The following PARD3 variants were observed in gnomAD, a reference collection of about 807,000 sequenced individuals.
PARD3 encodes par-3 family cell polarity regulator, also known as partitioning defective 3 homolog.
A neutral mutation model predicts 155.4 loss-of-function variants in PARD3; 75 were observed. The observed-to-expected ratio is 0.48, with a 90% confidence interval of 0.40 to 0.58. The LOEUF (loss-of-function observed/expected upper bound fraction) is 0.58, where lower values mean the gene tolerates loss of function less well. PARD3 is among the 20% of genes least tolerant of loss of function. PARD3 has a pLI of 0.00. For missense variants in PARD3, 1,642 were observed against 1,721.7 expected (o/e 0.95, Z 0.82); for synonymous variants, 576 against 610.5 (o/e 0.94, Z 0.83).
At chr10:34,505,191 A>G (rs1339148583) in intron 3 of PARD3, among the ~76,000 whole-genome samples, 1 of 152,244 alleles carries the variant, frequency 6.6e-6, no homozygotes, top group Non-Finnish European at 1.5e-5. Context: ...CTTTCTTAAC[A>G]TATTCACAGC....
intron 15 of PARD3, chr10:34,343,768 T>C (rs1837088166): frequency 1.0e-6 from 1 of 984,822 alleles, no homozygotes; most frequent in Admixed American, 6.1e-5. Flanking sequence ...TCAATTTATT[T>C]CTGATAGGTA....
At chr10:34,183,062 T>C (rs1428893761) in intron 22 of PARD3, among the ~76,000 whole-genome samples, 1 of 152,232 alleles carries the variant, frequency 6.6e-6, no homozygotes, top group Non-Finnish European at 1.5e-5. Context: ...GCTTTTCTCA[T>C]ATATAAGCCT....
intron 2 of PARD3, among the ~76,000 whole-genome samples, chr10:34,571,496 C>T (rs940391791): frequency 6.6e-6 from 1 of 152,156 alleles, no homozygotes; most frequent in Non-Finnish European, 1.5e-5. Context: ...TTGGGCTTTA[C>T]AATCCTGTGA....
intron 22 of PARD3, among the ~76,000 whole-genome samples, chr10:34,141,404 T>G (rs931901335): frequency 2.0e-5 from 3 of 152,196 alleles, no homozygotes; most frequent in Non-Finnish European, 4.4e-5. Flanking sequence ...TTCAGTGTAA[T>G]AAATCATAAC....
At chr10:34,235,593 C>T (rs1170165864) in intron 22 of PARD3, among the ~76,000 whole-genome samples, 1 of 152,292 alleles carries the variant, frequency 6.6e-6, no homozygotes. Context: ...CTACCACTGA[C>T]GTTTAGTTAC....
At chr10:34,330,252 TAG>T (rs1392746641) in intron 19 of PARD3, among the ~76,000 whole-genome samples, 1 of 152,196 alleles carries the variant, frequency 6.6e-6, no homozygotes, top group Non-Finnish European at 1.5e-5. Flanking sequence ...AATATATCGG[TAG>T]AGTTTTTCCA....
intron 20 of PARD3, among the ~76,000 whole-genome samples, chr10:34,305,388 G>A (rs1957352608): frequency 6.6e-6 from 1 of 152,240 alleles, no homozygotes; most frequent in Admixed American, 6.5e-5. Context: ...GCCCATGGCT[G>A]GGGCCTTCAG....
intron 24 of PARD3, among the ~76,000 whole-genome samples, chr10:34,118,848 G>T (rs978341219): frequency 6.6e-6 from 1 of 152,194 alleles, no homozygotes; most frequent in Admixed American, 6.5e-5. Context: ...TATAAGAATT[G>T]TGACTACAGG....
intron 21 of PARD3, among the ~76,000 whole-genome samples, chr10:34,277,025 C>T (rs1036969285): frequency 2.0e-5 from 3 of 152,144 alleles, no homozygotes; most frequent in Non-Finnish European, 4.4e-5. Context: ...AAACAATGTT[C>T]AGGATCTTGC....
rs116928365 is a variant in PARD3, at chr10:34,659,882, T to C, written c.222+36436A>G. Among the ~76,000 whole-genome samples, 1,500 of 152,328 alleles carry C rather than the reference T, an allele frequency of 9.8e-3. 12 individuals are homozygous for C. The highest frequency in any genetic ancestry group is 0.015 in the Non-Finnish European group (1,051 of 68,036). On this transcript the variant is annotated intron_variant, in intron 2 of 24. Coordinates refer to ENST00000374788, the MANE Select transcript of PARD3 (RefSeq NM_001184785.2). ...CCCAAGGGCCTTCAATGGTAGGTAC[T>C]TTTTGCTTCCGCGCATGCATTTTCT... is the stretch of plus-strand genomic sequence containing the variant.
At chr10:34,160,614 G>A (rs765845638) in intron 22 of PARD3, among the ~76,000 whole-genome samples, 1 of 152,214 alleles carries the variant, frequency 6.6e-6, no homozygotes, top group Non-Finnish European at 1.5e-5. Context: ...AAGATGCAGA[G>A]ATTGCCTTTA....
intron 3 of PARD3, among the ~76,000 whole-genome samples, chr10:34,505,510 T>C (rs1338183688): frequency 6.6e-6 from 1 of 152,140 alleles, no homozygotes; most frequent in African/African-American, 2.4e-5. Flanking sequence ...TTGGGTCTAA[T>C]TTCAAAGGCA....
Position 34,430,517 on chromosome 10 carries a change from C to T in PARD3, c.714+19800G>A, listed in dbSNP as rs182971049. Among the ~76,000 whole-genome samples, 341 of 152,230 alleles carry T rather than the reference C, an allele frequency of 2.2e-3. 1 individual carries two copies. The highest frequency in any genetic ancestry group is 2.9e-3 in the Non-Finnish European group (199 of 68,000). On this transcript the variant is annotated intron_variant, in intron 5 of 24. Transcript: ENST00000374788. ...TATTAGGCTTGCATGAACTAGCATACGGTAACTAAAATAACTAACACTGAT... is the reference window on the plus strand; with the variant it reads ...TATTAGGCTTGCATGAACTAGCATATGGTAACTAAAATAACTAACACTGAT...
At chr10:34,161,371 T>C (rs562692754) in intron 22 of PARD3, among the ~76,000 whole-genome samples, 3 of 152,098 alleles carry the variant, frequency 2.0e-5, no homozygotes, top group South Asian at 2.1e-4. Flanking sequence ...AATTCAACTA[T>C]TTTAACAGTG....
At chr10:34,205,787 A>G (rs1250306847) in intron 22 of PARD3, among the ~76,000 whole-genome samples, 2 of 152,108 alleles carry the variant, frequency 1.3e-5, no homozygotes, top group Admixed American at 6.5e-5. Flanking sequence ...AAAAAGCCAC[A>G]TATCTTAGGA....
chr10:34,753,009 T>C (rs1198737706), intron 1 of PARD3, among the ~76,000 whole-genome samples: 3 of 152,234 alleles, frequency 2.0e-5, no homozygotes, highest in African/African-American at 7.2e-5. Context: ...TGTTTTCTAA[T>C]GGAAGAAAAC....
At chr10:34,496,347 C>A (rs1462053479) in intron 3 of PARD3, among the ~76,000 whole-genome samples, 1 of 152,226 alleles carries the variant, frequency 6.6e-6, no homozygotes, top group Non-Finnish European at 1.5e-5. Flanking sequence ...GGAAAAGTTT[C>A]TGTTTATAGA....
chr10:34,215,944 T>A (rs1374148278), intron 22 of PARD3, among the ~76,000 whole-genome samples: 2 of 152,168 alleles, frequency 1.3e-5, no homozygotes, highest in East Asian at 3.8e-4. Flanking sequence ...TGTATACACT[T>A]TTTGCATTAA....
rs1946345933 is a variant in PARD3 at position 34,110,663 on chromosome 10, G to A, written c.*506C>T. The A allele has an allele frequency of 6.6e-6, 1 of 152,476 alleles. No individual in the cohort carries two copies. Among genetic ancestry groups the A allele is most frequent in the Non-Finnish European group, 1.5e-5 (1 of 68,246 alleles). 9.4% of individuals were successfully genotyped at this position (152,476 alleles called of 1,614,324 possible). The stretch of plus-strand genomic sequence containing the variant: ...CTGAGAAAGGAAAGAGAAAACCACA[G>A]TGATGACAAAGTACGACAAATGGCT... On this transcript the variant is annotated 3_prime_UTR_variant, in exon 25 of 25. Coordinates refer to ENST00000374788, the MANE Select transcript of PARD3 (RefSeq NM_001184785.2).
Sources: gnomAD v4.1 joint callset for allele counts (sites outside exome capture counted in the v4.1 genomes callset) on GRCh38, gnomAD v4.1.1 for gene constraint, MANE v1.5 for transcripts, NCBI Gene and HGNC (gene_info 2026-07-23, HGNC 2026-07-21) for gene names.